The following DCUN1D5 variants were observed in gnomAD, a reference collection of about 807,000 sequenced individuals.
DCUN1D5 encodes the protein defective in cullin neddylation 1 domain containing 5.
In DCUN1D5, 10 loss-of-function variants were observed where a neutral mutation model predicts 38.3. The ratio of observed to expected loss-of-function variants is 0.26; its 90% CI spans 0.16 to 0.44. The LOEUF is 0.44. Among genes scored for constraint, DCUN1D5 ranks in the 20% least tolerant of loss-of-function variants. DCUN1D5 has a pLI of 1.00. For missense variants in DCUN1D5, 148 were observed against 275.3 expected, an observed-to-expected ratio of 0.54 and a Z score of 3.27; for synonymous variants, 93 against 90.9, an observed-to-expected ratio of 1.02 and a Z score of -0.13.
intron 2 of DCUN1D5, among the ~76,000 whole-genome samples, chr11:103,085,742 C>T (rs889997352): frequency 2.0e-5 from 3 of 152,172 alleles, no homozygotes; most frequent in African/African-American, 7.2e-5. Flanking sequence ...CTGGGTAAAA[C>T]CTCTGGAGCT....
At chr11:103,084,081 CATTTTTTCAAAATGTTATCA>C in intron 2 of DCUN1D5, among the ~76,000 whole-genome samples, 1 of 152,254 alleles carries the variant, frequency 6.6e-6, no homozygotes, top group East Asian at 1.9e-4. Context: ...CATCAATTAT[CATTTTTTCAAAATGTTATCA>C]GATTCCCAAA....
At chr11:103,069,576 C>G (rs989090811) in intron 4 of DCUN1D5, among the ~76,000 whole-genome samples, 1 of 152,246 alleles carries the variant, frequency 6.6e-6, no homozygotes, top group African/African-American at 2.4e-5. Context: ...GCAGCCAATC[C>G]TCTTCTGCCC....
At position 103,083,010 on chromosome 11, in the gene DCUN1D5, T is replaced by C. The variant is rs184038753; in HGVS notation, c.250-171A>G. 2.6e-4 allele frequency among the ~76,000 whole-genome samples: 40 copies of C among 152,174 alleles called. No individual in the cohort carries two copies. Among genetic ancestry groups the C allele is most frequent in the African/African-American group, 8.9e-4 (37 of 41,580 alleles). ...AAAGAAATTGAGATGTGCCAATTTC[T>C]TAAAAGTAAAAAGTTCTAACAGTTT... On this transcript the variant is annotated intron_variant, in intron 3 of 7. Transcript: ENST00000260247. The surrounding 1 kb of genome is among the most constrained non-coding windows in gnomAD (Gnocchi z 4.4).
intron 3 of DCUN1D5, 57 bp from the exon 4 acceptor site, chr11:103,082,896 C>A: frequency 7.5e-7 from 1 of 1,335,940 alleles, no homozygotes; most frequent in South Asian, 1.2e-5. Flanking sequence ...ATAATCATGT[C>A]TATATTTATC....
intron 4 of DCUN1D5, among the ~76,000 whole-genome samples, chr11:103,069,784 T>G (rs1182347090): frequency 6.6e-6 from 1 of 152,224 alleles, no homozygotes; most frequent in African/African-American, 2.4e-5. Flanking sequence ...AAATTCAATT[T>G]CTACCTGTAC....
chr11:103,066,385 G>A lies in DCUN1D5; in HGVS notation c.451-12C>T. On this transcript the variant is annotated splice_polypyrimidine_tract_variant and intron_variant, in intron 5 of 7. Transcript: ENST00000260247. The surrounding 1 kb of genome is among the most constrained non-coding windows in gnomAD (Gnocchi z 4.7). ...CTCTGATCTTTATCCTAAAATATAA[G>A]TGAAAAAGTTTTCCTAAGTGTGGTC... 2 of 1,602,502 alleles carry A rather than the reference G, an allele frequency of 1.2e-6. No homozygotes were observed. The highest frequency in any genetic ancestry group is 1.1e-5 in the South Asian group (1 of 88,588).
At chr11:103,089,190 G>A in intron 2 of DCUN1D5, 37 bp downstream of exon 2, 1 of 1,589,420 alleles carries the variant, frequency 6.3e-7, no homozygotes, top group Non-Finnish European at 8.6e-7. Flanking sequence ...ACTTTTTAAA[G>A]CATATGACTA....
chr11:103,066,585 T>C lies in DCUN1D5; in HGVS notation c.342-18A>G, dbSNP rs908658017. On this transcript the variant is annotated intron_variant, in intron 4 of 7. Coordinates refer to ENST00000260247, the MANE Select transcript of DCUN1D5 (RefSeq NM_032299.4). The surrounding 1 kb of genome is among the most constrained non-coding windows in gnomAD (Gnocchi z 4.7). Reference sequence around the variant, plus strand: ...AGTCACACCTTAAATAAAAGAAATATCAAACAAATTACATAATCAAGAAAA... The same window carrying C: ...AGTCACACCTTAAATAAAAGAAATACCAAACAAATTACATAATCAAGAAAA... 1.4e-6 allele frequency: 2 copies of C among 1,452,244 alleles called. No individual in the cohort carries two copies. Among genetic ancestry groups the C allele is most frequent in the South Asian group, 1.2e-5 (1 of 85,318 alleles). The allele number at this position is 1,452,244 out of a possible 1,614,324, so 90.0% of individuals were successfully genotyped here.
chr11:103,082,718 T>G, intron 4 of DCUN1D5, 30 bp downstream of exon 4: 1 of 1,441,632 alleles, frequency 6.9e-7, no homozygotes, highest in Non-Finnish European at 9.7e-7. Context: ...AAATAGGCCA[T>G]CAAATTTGTT....
rs1862333199 is a variant in DCUN1D5, at chr11:103,073,616, T to C, written c.342-7049A>G. ...GAACCCAGAAATAAATGTACACAAA[T>C]ATGTCCAACATTTACATAGCTTTTA... On this transcript the variant is annotated intron_variant, in intron 4 of 7. Transcript: ENST00000260247. The surrounding 1 kb of genome is among the most constrained non-coding windows in gnomAD (Gnocchi z 4.2). 6.6e-6 allele frequency among the ~76,000 whole-genome samples: 1 copy of C among 152,176 alleles called. No homozygotes were observed. The highest frequency in any genetic ancestry group is 2.4e-5 in the African/African-American group (1 of 41,432).
At chr11:103,088,015 T>C (rs1397207351) in intron 2 of DCUN1D5, among the ~76,000 whole-genome samples, 1 of 152,190 alleles carries the variant, frequency 6.6e-6, no homozygotes, top group African/African-American at 2.4e-5. Context: ...TTAGTGGTTG[T>C]CTTGGGATGC....
intron 4 of DCUN1D5, among the ~76,000 whole-genome samples, chr11:103,067,901 G>T (rs1443890830): frequency 6.6e-6 from 1 of 151,892 alleles, no homozygotes; most frequent in Non-Finnish European, 1.5e-5. Context: ...AAAGAGAATT[G>T]CTACTTTTCC....
intron 4 of DCUN1D5, among the ~76,000 whole-genome samples, chr11:103,075,485 G>A (rs1301210573): frequency 1.3e-5 from 2 of 152,116 alleles, no homozygotes; most frequent in Non-Finnish European, 2.9e-5. Flanking sequence ...GGGTTCAAGT[G>A]ATTCTTCTGC....
intron 1 of DCUN1D5, among the ~76,000 whole-genome samples, chr11:103,090,400 A>G (rs1215515935): frequency 6.6e-6 from 1 of 152,218 alleles, no homozygotes; most frequent in Admixed American, 6.5e-5. Context: ...ACCAAAACAC[A>G]GTAATGAGGG....
intron 4 of DCUN1D5, among the ~76,000 whole-genome samples, chr11:103,081,062 A>G (rs1054349293): frequency 1.3e-5 from 2 of 152,150 alleles, no homozygotes; most frequent in African/African-American, 2.4e-5. Context: ...TGTACGCAAG[A>G]CCATATGATG....
At position 103,086,878 on chromosome 11, in the gene DCUN1D5, A is replaced by G. The variant is rs1265119227; in HGVS notation, c.178+2349T>C. 6.6e-6 allele frequency among the ~76,000 whole-genome samples: 1 copy of G among 151,598 alleles called. No individual in the cohort carries two copies. The highest frequency in any genetic ancestry group is 1.9e-4 in the East Asian group (1 of 5,200). On this transcript the variant is annotated intron_variant, in intron 2 of 7. Transcript: ENST00000260247. This position sits in a 1 kb window ranked among gnomAD's most constrained non-coding sequence, Gnocchi z 4.1. ...TAATAAAATGTTTATAACTATATAT[A>G]AACATTATAAAATTTAAATAAAAAA...
In DCUN1D5 at chr11:103,083,363, A is replaced by T; in HGVS notation, c.179-37T>A. Reference sequence around the variant, plus strand: ...AAAATAATTAACATATTTTGTTATAATATCAACATAAAACATAAATCGTCA... The same window carrying T: ...AAAATAATTAACATATTTTGTTATATTATCAACATAAAACATAAATCGTCA... On this transcript the variant is annotated intron_variant, in intron 2 of 7. Transcript: ENST00000260247. The surrounding 1 kb of genome is among the most constrained non-coding windows in gnomAD (Gnocchi z 4.4). 1 of 1,149,688 alleles carries T rather than the reference A, an allele frequency of 8.7e-7. No individual in the cohort carries two copies. The highest frequency in any genetic ancestry group is 1.3e-6 in the Non-Finnish European group (1 of 765,314). The allele number at this position is 1,149,688 out of a possible 1,614,324, so 71.2% of individuals were successfully genotyped here. A position where few individuals can be genotyped will look rare whatever the true frequency, so the allele number is the denominator to read the frequency against.
At position 103,051,512 on chromosome 11, in the gene DCUN1D5, C is replaced by CT. The variant is rs1555025593; in HGVS notation, c.*10846_*10847insA. 7.5e-6 allele frequency: 1 copy of CT among 134,148 alleles called. No individual in the cohort carries two copies. Among genetic ancestry groups the CT allele is most frequent in the Non-Finnish European group, 1.6e-5 (1 of 61,808 alleles). 8.3% of individuals were successfully genotyped at this position (134,148 alleles called of 1,614,324 possible). On this transcript the variant is annotated 3_prime_UTR_variant, in exon 8 of 8. Transcript: ENST00000260247. Reference sequence around the variant, plus strand: ...TTCACATATTTACTTCCCCCCCCCCCCCGCCACCCCTGTGTTAACAGGTTT... The same window carrying CT: ...TTCACATATTTACTTCCCCCCCCCCCTCCGCCACCCCTGTGTTAACAGGTTT...
rs1861941200 is a variant in DCUN1D5, at chr11:103,058,871, T to A, written c.*3488A>T. On this transcript the variant is annotated 3_prime_UTR_variant, in exon 8 of 8. Coordinates refer to ENST00000260247, the MANE Select transcript of DCUN1D5 (RefSeq NM_032299.4). ...CTCCTTAGAGGTAAGAATTCTTCTT[T>A]AGGAGTAAGACTTTTGGGTTTTTTT... Among the ~76,000 whole-genome samples the A allele has an allele frequency of 6.6e-6, 1 of 151,518 alleles. No individual in the cohort carries two copies. Among genetic ancestry groups the A allele is most frequent in the Non-Finnish European group, 1.5e-5 (1 of 67,912 alleles).
Sources: gnomAD v4.1 joint callset for allele counts (sites outside exome capture counted in the v4.1 genomes callset) on GRCh38, gnomAD v4.1.1 for gene constraint, Gnocchi (gnomAD v3.1) non-coding constraint, MANE v1.5 for transcripts, NCBI Gene and HGNC (gene_info 2026-07-23, HGNC 2026-07-21) for gene names.